Variants in DLG2 observed in about 807,000 individuals in gnomAD.
The protein encoded by DLG2 is discs large MAGUK scaffold protein 2, also known as disks large homolog 2.
In DLG2, 45 loss-of-function variants were observed where a neutral mutation model predicts 132.5. The ratio of observed to expected loss-of-function variants is 0.34; its 90% CI spans 0.27 to 0.44. DLG2 has a LOEUF of 0.44. Among genes scored for constraint, DLG2 ranks in the 20% least tolerant of loss-of-function variants. The pLI is 1.00. For missense variants in DLG2, 1,045 were observed against 1,196.9 expected, an observed-to-expected ratio of 0.87 and a Z score of 1.87; for synonymous variants, 424 against 419.6, an observed-to-expected ratio of 1.01 and a Z score of -0.13.
intron 19 of DLG2, among the ~76,000 whole-genome samples, chr11:83,564,764 A>C (rs1270674849): frequency 1.3e-5 from 2 of 152,242 alleles, no homozygotes; most frequent in Non-Finnish European, 2.9e-5. Context: ...ATAATGTCTT[A>C]TAATGCCTCC....
At chr11:83,937,106 A>T (rs558421671) in intron 14 of DLG2, among the ~76,000 whole-genome samples, 1 of 152,176 alleles carries the variant, frequency 6.6e-6, no homozygotes, top group African/African-American at 2.4e-5. Context: ...ATAAATATAG[A>T]TCTACAAAAT....
chr11:83,840,616 T>C (rs1327534929), intron 16 of DLG2, among the ~76,000 whole-genome samples: 1 of 152,148 alleles, frequency 6.6e-6, no homozygotes, highest in African/African-American at 2.4e-5. Context: ...TCTTGACAGA[T>C]TCTCTAATTT....
At chr11:84,077,194 G>T (rs140678004) in intron 10 of DLG2, among the ~76,000 whole-genome samples, 1 of 152,120 alleles carries the variant, frequency 6.6e-6, no homozygotes, top group Non-Finnish European at 1.5e-5. Context: ...AAGCTTATCA[G>T]AAGATCTGTT....
intron 4 of DLG2, among the ~76,000 whole-genome samples, chr11:85,187,886 T>C (rs1462434951): frequency 6.6e-6 from 1 of 152,074 alleles, no homozygotes; most frequent in African/African-American, 2.4e-5. Context: ...TAGTGCTGGT[T>C]GGGGCATGCA....
intron 6 of DLG2, among the ~76,000 whole-genome samples, chr11:84,770,996 G>A (rs1166061355): frequency 1.3e-5 from 2 of 152,042 alleles, no homozygotes; most frequent in Non-Finnish European, 2.9e-5. Context: ...TGGTGTATAC[G>A]TACGCCATTT....
chr11:85,107,040 T>A (rs1385707732), intron 6 of DLG2, among the ~76,000 whole-genome samples: 1 of 152,066 alleles, frequency 6.6e-6, no homozygotes, highest in African/African-American at 2.4e-5. Flanking sequence ...TAACTACTTC[T>A]TGAATAAGTA....
chr11:85,124,830 T>TA (rs1429326849), intron 5 of DLG2, among the ~76,000 whole-genome samples: 6 of 126,664 alleles, frequency 4.7e-5, no homozygotes, highest in Admixed American at 8.5e-5. Context: ...TTGAGCACAG[T>TA]AAAATTTTTT....
chr11:84,783,016 T>C (rs1049302867), intron 6 of DLG2, among the ~76,000 whole-genome samples: 10 of 152,274 alleles, frequency 6.6e-5, no homozygotes, highest in African/African-American at 2.2e-4. Flanking sequence ...AACCCACTGC[T>C]TCTTCCTATA....
chr11:84,768,683 C>T lies in DLG2; in HGVS notation c.358-233952G>A, dbSNP rs1201199543. Among the ~76,000 whole-genome samples, 8 of 151,916 alleles carry T rather than the reference C, an allele frequency of 5.3e-5. 1 individual carries two copies. The highest frequency in any genetic ancestry group is 3.3e-4 in the Admixed American group (5 of 15,236). ...GATAAAAAGTAGGCATATCTATAAA[C>T]CCTAGGACAAATTATAAACGACTGA... On this transcript the variant is annotated intron_variant, in intron 6 of 27. Transcript: ENST00000376104.
intron 6 of DLG2, chr11:84,923,739 A>C (rs962242330): frequency 3.6e-5 from 10 of 279,664 alleles, no homozygotes; most frequent in African/African-American, 2.1e-4. Flanking sequence ...GACCAGGACC[A>C]GAGGATCATT....
At chr11:85,419,434 G>T (rs982600058) in intron 3 of DLG2, among the ~76,000 whole-genome samples, 8 of 152,064 alleles carry the variant, frequency 5.3e-5, no homozygotes, top group Middle Eastern at 3.2e-3. Context: ...GTATCTTTGT[G>T]GTGTTCTCTG....
intron 3 of DLG2, among the ~76,000 whole-genome samples, chr11:85,504,529 G>A (rs1425308404): frequency 6.6e-6 from 1 of 152,160 alleles, no homozygotes; most frequent in Non-Finnish European, 1.5e-5. Flanking sequence ...TTGTAGATGT[G>A]TGGTATTATT....
chr11:84,493,523 C>T (rs920603477), intron 7 of DLG2, among the ~76,000 whole-genome samples: 1 of 152,056 alleles, frequency 6.6e-6, no homozygotes, highest in African/African-American at 2.4e-5. Context: ...ATGCATCACA[C>T]ATTGCTCAGG....
intron 7 of DLG2, among the ~76,000 whole-genome samples, chr11:84,342,967 C>G (rs1360006759): frequency 6.6e-6 from 1 of 152,168 alleles, no homozygotes; most frequent in Non-Finnish European, 1.5e-5. Context: ...GCGTCCCAGG[C>G]ACCAGGGATG....
intron 8 of DLG2, among the ~76,000 whole-genome samples, chr11:84,178,681 G>A (rs981211496): frequency 1.3e-5 from 2 of 151,848 alleles, no homozygotes; most frequent in African/African-American, 4.8e-5. Flanking sequence ...CTCACCATCT[G>A]GCTACGTTGA....
chr11:85,143,203 T>C (rs1401193478), intron 5 of DLG2, among the ~76,000 whole-genome samples: 1 of 151,838 alleles, frequency 6.6e-6, no homozygotes, highest in Non-Finnish European at 1.5e-5. Flanking sequence ...ATGGGAGACT[T>C]AATTATGACT....
intron 14 of DLG2, among the ~76,000 whole-genome samples, chr11:83,955,508 C>A (rs1270832225): frequency 6.6e-6 from 1 of 152,162 alleles, no homozygotes; most frequent in Non-Finnish European, 1.5e-5. Context: ...AAACCCATGG[C>A]CCAAAGTGAT....
At chr11:83,459,985 C>T in intron 27 of DLG2, 61 bp from the exon 28 acceptor site, 1 of 940,888 alleles carries the variant, frequency 1.1e-6, no homozygotes, top group Non-Finnish European at 1.7e-6. Context: ...GAAGAACAAT[C>T]ATCACTTACA....
At chr11:84,536,726 T>C (rs935363389) in intron 6 of DLG2, among the ~76,000 whole-genome samples, 10 of 152,184 alleles carry the variant, frequency 6.6e-5, no homozygotes, top group African/African-American at 2.4e-4. Flanking sequence ...TAGGAGTCAA[T>C]CAGACTCCAT....
Sources: gnomAD v4.1 joint callset for allele counts (sites outside exome capture counted in the v4.1 genomes callset) on GRCh38, gnomAD v4.1.1 for gene constraint, MANE v1.5 for transcripts, NCBI Gene and HGNC (gene_info 2026-07-23, HGNC 2026-07-21) for gene names.